Variants in ABCA4 observed in about 807,000 individuals in gnomAD.
The protein encoded by ABCA4 is ATP binding cassette subfamily A member 4.
A neutral mutation model predicts 263.7 loss-of-function variants in ABCA4; 196 were observed. The observed-to-expected ratio is 0.74, with a 90% CI of 0.66 to 0.84. ABCA4 has a LOEUF of 0.84. Among genes scored for constraint, ABCA4 ranks in the 40% least tolerant of loss-of-function variants. The probability of loss-of-function intolerance (pLI) is 0.00; values close to 1 mark genes in which losing one functional copy is unlikely to be tolerated. For missense variants in ABCA4, 2,792 were observed against 2,855.1 expected (o/e 0.98, Z 0.50); for synonymous variants, 1,133 against 1,094.2 (o/e 1.04, Z -0.70).
chr1:94,045,956 G>A (rs1660661099), intron 19 of ABCA4: 1 of 456,080 alleles, frequency 2.2e-6, no homozygotes, highest in Non-Finnish European at 4.4e-6. Flanking sequence ...AGAGTGGGGC[G>A]CCTGCGGAGC....
chr1:94,071,560 C>A (rs558959367), intron 11 of ABCA4, among the ~76,000 whole-genome samples: 1 of 152,186 alleles, frequency 6.6e-6, no homozygotes, highest in Non-Finnish European at 1.5e-5. Context: ...GACTGTCAAC[C>A]TCTTTGAGTC....
rs188621617 is a variant in ABCA4, at chr1:94,085,248, A to G, written c.769-1807T>C. On this transcript the variant is annotated intron_variant, in intron 6 of 49. Transcript: ENST00000370225. ...GCTTCAAAAAAACTTCAGGAAAAAA[A>G]GGTGGAGAACAGTTAAAACAAGAAC... 3.9e-5 allele frequency among the ~76,000 whole-genome samples: 6 copies of G among 152,338 alleles called. No homozygotes were observed. The East Asian group carries it at 1.2e-3, about 29-fold the overall frequency.
At chr1:94,118,879 G>A (rs1187168442) in intron 1 of ABCA4, among the ~76,000 whole-genome samples, 1 of 152,236 alleles carries the variant, frequency 6.6e-6, no homozygotes, top group Non-Finnish European at 1.5e-5. Context: ...AGCGACATGA[G>A]CGCCACAGGA....
chr1:94,063,303 A>C lies in ABCA4; in HGVS notation c.1569T>G (p.Asp523Glu), dbSNP rs62646868. The C allele has an allele frequency of 1.9e-6, 3 of 1,614,046 alleles. No homozygotes were observed. Among genetic ancestry groups the C allele is most frequent in the Non-Finnish European group, 2.5e-6 (3 of 1,180,034 alleles). The change falls in exon 12 of 50, where the codon GAT becomes GAG. Residue 523 changes from aspartate (D) to glutamate (E), a missense_variant. By Grantham distance (45) the Asp-to-Glu change is conservative (BLOSUM62 2). Transcript: ENST00000370225. ...VNQYLECLVLDKFESYNDETQ... is the reference protein window; with the variant it reads ...VNQYLECLVLEKFESYNDETQ... ...TTTCATCATTGTAGCTTTCAAACTT[A>C]TCCAGGACCAAGCACTGCAGAGAGT...
At chr1:94,108,448 G>T (rs561318886) in intron 4 of ABCA4, 129 bp downstream of exon 4, 127 of 1,343,994 alleles carry the variant, frequency 9.4e-5, no homozygotes, top group East Asian at 8.4e-4. Flanking sequence ...TGTTCAAGCC[G>T]CCTCCAGACC....
At chr1:94,117,890 G>A (rs1308305988) in intron 1 of ABCA4, among the ~76,000 whole-genome samples, 1 of 152,170 alleles carries the variant, frequency 6.6e-6, no homozygotes, top group Non-Finnish European at 1.5e-5. Flanking sequence ...AGTTTTCCAG[G>A]TCCAGTGTTG....
chr1:94,050,409 G>A (rs1490415976), intron 17 of ABCA4, among the ~76,000 whole-genome samples: 3 of 152,204 alleles, frequency 2.0e-5, no homozygotes, highest in African/African-American at 7.2e-5. Flanking sequence ...TCTGTGAAAG[G>A]AGGGAGGTTG....
At chr1:94,007,262 T>C (rs1659416876) in intron 43 of ABCA4, among the ~76,000 whole-genome samples, 1 of 151,978 alleles carries the variant, frequency 6.6e-6, no homozygotes, top group African/African-American at 2.4e-5. Flanking sequence ...TGAAACGTTT[T>C]GTAAAAATGT....
chr1:94,030,643 T>C, intron 28 of ABCA4, 117 bp from the exon 29 acceptor site: 1 of 1,015,438 alleles, frequency 9.8e-7, no homozygotes, highest in Non-Finnish European at 1.5e-6. Flanking sequence ...CACCGAATGC[T>C]GCCTTGGGAT....
intron 7 of ABCA4, among the ~76,000 whole-genome samples, chr1:94,081,836 G>C (rs1053449813): frequency 6.6e-6 from 1 of 152,220 alleles, no homozygotes; most frequent in East Asian, 1.9e-4. Flanking sequence ...GGAGCTGCCA[G>C]TAGCTTGGCT....
chr1:94,043,034 CA>C, intron 21 of ABCA4, 136 bp from the exon 22 acceptor site: 1 of 1,328,106 alleles, frequency 7.5e-7, no homozygotes, highest in South Asian at 1.2e-5. Flanking sequence ...TTATAGCGTT[CA>C]AAGCCCTAAT....
At chr1:94,082,366 A>C (rs1354429796) in intron 7 of ABCA4, among the ~76,000 whole-genome samples, 1 of 152,234 alleles carries the variant, frequency 6.6e-6, no homozygotes, top group Non-Finnish European at 1.5e-5. Context: ...TGGAACTTCT[A>C]CTCAGAACTA....
At position 94,031,754 on chromosome 1, in the gene ABCA4, CTAAA is replaced by C. The variant is rs1374392795; in HGVS notation, c.4128+20_4128+23del. ...CTGGGAGAGGAGCCACTGAGCTCAG[CTAAA>C]CACCGACCGACAATAGTACCTGCGC... On this transcript the variant is annotated intron_variant, in intron 27 of 49. Transcript: ENST00000370225. The C allele has an allele frequency of 1.2e-6, 2 of 1,612,656 alleles. No homozygotes were observed. Among genetic ancestry groups the C allele is most frequent in the African/African-American group, 2.7e-5 (2 of 74,866 alleles).
chr1:94,031,972 G>T lies in ABCA4; in HGVS notation c.3934C>A (p.Gln1312Lys), dbSNP rs1390442032. 6.2e-7 allele frequency: 1 copy of T among 1,613,928 alleles called. No homozygotes were observed. The highest frequency in any genetic ancestry group is 8.5e-7 in the Non-Finnish European group (1 of 1,180,028). The change falls in exon 27 of 50, where the codon CAG (glutamine) becomes AAG (lysine). Residue 1312 changes from glutamine (Q) to lysine (K), a missense_variant. Physicochemically the swap from Gln to Lys is moderately conservative, Grantham distance 53 (BLOSUM62 1). Coordinates refer to ENST00000370225, the MANE Select transcript of ABCA4 (RefSeq NM_000350.3). ...PCLGPREKAG[Q>K]TPQDSNVCSP... ...CAGACATTGGAGTCCTGGGGTGTCT[G>T]TCCAGCCTTCTCTCTGGGACCCAAG...
In ABCA4 at chr1:94,116,206, C is replaced by T. The variant is rs547976715; in HGVS notation, c.67-3140G>A. On this transcript the variant is annotated intron_variant, in intron 1 of 49. Coordinates refer to ENST00000370225, the MANE Select transcript of ABCA4 (RefSeq NM_000350.3). ...TTTCTCCCTTCCTTCTTTGTCTGGC[C>T]CTAGGACTGTTCCCACCTCACCTGT... 2.0e-5 allele frequency among the ~76,000 whole-genome samples: 3 copies of T among 152,222 alleles called. No individual in the cohort carries two copies. The East Asian group carries it at 5.8e-4, about 29-fold the overall frequency.
rs1354737408 is a variant in ABCA4, at chr1:94,023,394, A to T, written c.4659T>A (p.Asn1553Lys). ...TAAAAATAGTTTCTTACCTCTGTTCATTGACCCAGAATTTGCTCTTTAAGC... is the reference window on the plus strand; with the variant it reads ...TAAAAATAGTTTCTTACCTCTGTTCTTTGACCCAGAATTTGCTCTTTAAGC... Reference protein sequence around the residue: ...RSSLKSKFWVNEQRYGGISIG... With the variant: ...RSSLKSKFWVKEQRYGGISIG... The change falls in exon 32 of 50, where the codon AAT (asparagine) becomes AAA (lysine). Residue 1553 changes from asparagine (N) to lysine (K), a missense_variant. Coordinates refer to ENST00000370225, the MANE Select transcript of ABCA4 (RefSeq NM_000350.3). 2.5e-5 allele frequency: 41 copies of T among 1,608,742 alleles called. No individual in the cohort carries two copies. The highest frequency in any genetic ancestry group is 3.4e-5 in the Non-Finnish European group (40 of 1,175,400).
rs114139517 is a variant in ABCA4 at position 94,053,210 on chromosome 1, G to T, written c.2588-1512C>A. 2.3e-3 allele frequency among the ~76,000 whole-genome samples: 349 copies of T among 152,312 alleles called. 1 individual carries two copies. The highest frequency in any genetic ancestry group is 8.0e-3 in the African/African-American group (333 of 41,564). ...CATCCTTCATTTTAAAGCTGTGATT[G>T]TAAGTACAGGATTTTGGCAAAAGTG... On this transcript the variant is annotated intron_variant, in intron 16 of 49. Transcript: ENST00000370225.
chr1:94,023,765 C>T (rs979995691), intron 31 of ABCA4, among the ~76,000 whole-genome samples: 2 of 152,210 alleles, frequency 1.3e-5, no homozygotes, highest in Non-Finnish European at 2.9e-5. Context: ...CTGCAGCCCT[C>T]CTGTCTTCCA....
chr1:94,020,344 C>G (rs1044397918), intron 35 of ABCA4, among the ~76,000 whole-genome samples: 3 of 152,286 alleles, frequency 2.0e-5, no homozygotes, highest in South Asian at 2.1e-4. Context: ...CCAGCCTGAA[C>G]TTTATGTACA....
Sources: allele counts gnomAD v4.1 joint callset (sites outside exome capture counted in the v4.1 genomes callset), GRCh38; gene constraint gnomAD v4.1.1; transcripts MANE v1.5; gene names NCBI Gene and HGNC (gene_info 2026-07-23, HGNC 2026-07-21).